Variants in HTR1F observed in about 807,000 individuals in gnomAD.
HTR1F encodes 5-hydroxytryptamine (serotonin) receptor 1F, G protein-coupled.
In HTR1F, 17 loss-of-function variants were observed where a neutral mutation model predicts 24.0. The ratio of observed to expected loss-of-function variants is 0.71; its 90% CI spans 0.48 to 1.06. HTR1F has a LOEUF of 1.06. HTR1F is among the 50% of genes least tolerant of loss of function. The pLI is 0.00. For synonymous variants in HTR1F, 186 were observed against 156.8 expected, an observed-to-expected ratio of 1.19 and a Z score of -1.39; for missense variants, 391 against 427.8, an observed-to-expected ratio of 0.91 and a Z score of 0.76.
intron 2 of HTR1F, among the ~76,000 whole-genome samples, chr3:87,942,238 A>G (rs915817123): frequency 2.0e-5 from 3 of 152,112 alleles, no homozygotes; most frequent in African/African-American, 7.2e-5. Context: ...AAGCATTTGA[A>G]AAGAGTAAAG....
rs977569979 is a variant in HTR1F at position 87,991,926 on chromosome 3, C to T, written c.*76C>T. 11 of 1,270,160 alleles carry T rather than the reference C, an allele frequency of 8.7e-6. No individual in the cohort carries two copies. The highest frequency in any genetic ancestry group is 2.5e-5 in the Admixed American group (1 of 40,194). The allele number at this position is 1,270,160 out of a possible 1,614,324, so 78.7% of individuals were successfully genotyped here. On this transcript the variant is annotated 3_prime_UTR_variant, in exon 3 of 3. Transcript: ENST00000319595. ...ACTAGATGAATGCCAAATAATAAAA[C>T]ACTTAAGCTTTTAGAGGGAAATACA... is the stretch of plus-strand genomic sequence containing the variant.
intron 2 of HTR1F, among the ~76,000 whole-genome samples, chr3:87,875,923 CA>C (rs35699795): frequency 0.32 from 27,799 of 86,630 alleles, 3,938 homozygotes; most frequent in African/African-American, 0.55. Flanking sequence ...GGCTCCGTCT[CA>C]AAAAAAAAAA....
intron 2 of HTR1F, among the ~76,000 whole-genome samples, chr3:87,906,691 C>T (rs1482459749): frequency 6.6e-6 from 1 of 151,514 alleles, no homozygotes; most frequent in African/African-American, 2.4e-5. Flanking sequence ...TCCTCGCCCC[C>T]CTCTCACTCA....
intron 2 of HTR1F, among the ~76,000 whole-genome samples, chr3:87,929,913 T>C (rs1257711548): frequency 6.6e-6 from 1 of 152,224 alleles, no homozygotes; most frequent in Non-Finnish European, 1.5e-5. Context: ...TTAATAATAC[T>C]GATTCTTTCT....
intron 2 of HTR1F, among the ~76,000 whole-genome samples, chr3:87,958,294 TTTTTTG>T (rs539583053): frequency 1.3e-5 from 2 of 149,408 alleles, no homozygotes; most frequent in East Asian, 3.9e-4. Context: ...TGGGTGGTTG[TTTTTTG>T]TTTTTGTTTT....
intron 1 of HTR1F, among the ~76,000 whole-genome samples, chr3:87,820,923 AAGTC>A (rs1487762367): frequency 2.0e-5 from 3 of 152,182 alleles, no homozygotes; most frequent in Non-Finnish European, 2.9e-5. Context: ...ACTAAATCAA[AAGTC>A]AGTCAGTAAG....
chr3:87,940,815 A>C (rs1336097533), intron 2 of HTR1F, among the ~76,000 whole-genome samples: 1 of 152,194 alleles, frequency 6.6e-6, no homozygotes, highest in Non-Finnish European at 1.5e-5. Context: ...GATTTTAGTT[A>C]CTTTCCTCAT....
chr3:87,975,243 T>C (rs1705368716), intron 2 of HTR1F, among the ~76,000 whole-genome samples: 1 of 151,818 alleles, frequency 6.6e-6, no homozygotes, highest in Admixed American at 6.6e-5. Flanking sequence ...TTGGAGAAAA[T>C]GAATGCTTCA....
At chr3:87,891,347 A>G (rs892230342) in intron 2 of HTR1F, among the ~76,000 whole-genome samples, 1 of 152,230 alleles carries the variant, frequency 6.6e-6, no homozygotes, top group African/African-American at 2.4e-5. Flanking sequence ...TGCTTAATTG[A>G]CATAAAGTTG....
intron 1 of HTR1F, among the ~76,000 whole-genome samples, chr3:87,802,749 C>G (rs1197193834): frequency 6.6e-6 from 1 of 152,090 alleles, no homozygotes; most frequent in African/African-American, 2.4e-5. Context: ...TGCTTACAAG[C>G]AAGGGTAGCT....
intron 2 of HTR1F, among the ~76,000 whole-genome samples, chr3:87,904,774 T>C (rs1436028758): frequency 6.6e-6 from 1 of 152,102 alleles, no homozygotes; most frequent in Non-Finnish European, 1.5e-5. Flanking sequence ...TATTCCATTT[T>C]TCAAATACCA....
rs138781189 is a variant in HTR1F at position 87,883,383 on chromosome 3, C to G, written c.-43+61259C>G. On this transcript the variant is annotated intron_variant, in intron 2 of 2. Transcript: ENST00000319595. Reference sequence around the variant, plus strand: ...ATGGGGAGAAACCAGAGCAGAAAAGCTGAAAATTCTAAAAACCAGGGCACC... The same window carrying G: ...ATGGGGAGAAACCAGAGCAGAAAAGGTGAAAATTCTAAAAACCAGGGCACC... Among the ~76,000 whole-genome samples the G allele has an allele frequency of 2.1e-3, 324 of 152,240 alleles. 3 individuals carry two copies. The highest frequency in any genetic ancestry group is 7.4e-3 in the African/African-American group (307 of 41,552).
intron 2 of HTR1F, among the ~76,000 whole-genome samples, chr3:87,908,086 C>A (rs1703704103): frequency 6.6e-6 from 1 of 151,772 alleles, no homozygotes; most frequent in Non-Finnish European, 1.5e-5. Flanking sequence ...AAGTGTTATA[C>A]CAACACATAT....
At chr3:87,875,118 G>A (rs1365669454) in intron 2 of HTR1F, among the ~76,000 whole-genome samples, 2 of 152,086 alleles carry the variant, frequency 1.3e-5, no homozygotes, top group African/African-American at 4.8e-5. Flanking sequence ...GTTAACAAAA[G>A]CAAAAATAGA....
chr3:87,883,189 T>G (rs915957592), intron 2 of HTR1F, among the ~76,000 whole-genome samples: 1 of 152,088 alleles, frequency 6.6e-6, no homozygotes, highest in African/African-American at 2.4e-5. Flanking sequence ...GGGTCTGGAG[T>G]GGACCTCCAG....
intron 2 of HTR1F, among the ~76,000 whole-genome samples, chr3:87,851,647 C>T (rs1320852720): frequency 6.6e-6 from 1 of 151,602 alleles, no homozygotes; most frequent in Non-Finnish European, 1.5e-5. Flanking sequence ...ATAAATCCAA[C>T]TATTCCTCTA....
intron 2 of HTR1F, among the ~76,000 whole-genome samples, chr3:87,957,962 CCTT>C (rs1397919876): frequency 6.6e-6 from 1 of 151,154 alleles, no homozygotes; most frequent in Non-Finnish European, 1.5e-5. Flanking sequence ...TTGCGCTCCT[CCTT>C]CTAGTTTATT....
chr3:87,913,211 G>A (rs1703819271), intron 2 of HTR1F, among the ~76,000 whole-genome samples: 1 of 152,058 alleles, frequency 6.6e-6, no homozygotes, highest in African/African-American at 2.4e-5. Flanking sequence ...CTAATATTAA[G>A]CACCTATAAG....
chr3:87,797,386 T>C (rs954717992), intron 1 of HTR1F, among the ~76,000 whole-genome samples: 1 of 152,178 alleles, frequency 6.6e-6, no homozygotes, highest in Non-Finnish European at 1.5e-5. Context: ...AATTAAAAGA[T>C]CTGCAAAGTC....
Sources: allele counts gnomAD v4.1 joint callset (sites outside exome capture counted in the v4.1 genomes callset), GRCh38; gene constraint gnomAD v4.1.1; transcripts MANE v1.5; gene names NCBI Gene and HGNC (gene_info 2026-07-23, HGNC 2026-07-21).